The following ETV6 variants were observed in gnomAD, a reference collection of about 807,000 sequenced individuals.
ETV6 encodes the protein transcription factor ETV6.
Under a neutral mutation model 51.1 loss-of-function variants are expected in ETV6, and 16 were observed. The observed-to-expected ratio is 0.31, with a 90% CI of 0.21 to 0.48. The LOEUF (loss-of-function observed/expected upper bound fraction) is 0.48, where lower values mean the gene tolerates loss of function less well. Among genes scored for constraint, ETV6 ranks in the 20% least tolerant of loss-of-function variants. ETV6 has a pLI of 0.99. For missense variants in ETV6, 458 were observed against 594.8 expected, an observed-to-expected ratio of 0.77 and a Z score of 2.39; for synonymous variants, 240 against 224.1, an observed-to-expected ratio of 1.07 and a Z score of -0.64.
chr12:11,743,426 G>C (rs914682195), intron 1 of ETV6, among the ~76,000 whole-genome samples: 3 of 152,148 alleles, frequency 2.0e-5, no homozygotes, highest in Non-Finnish European at 4.4e-5. Context: ...TTTGACTGTG[G>C]TCCTGGTTGT....
At chr12:11,744,300 TA>T (rs767352572) in intron 1 of ETV6, among the ~76,000 whole-genome samples, 1 of 152,144 alleles carries the variant, frequency 6.6e-6, no homozygotes. Context: ...GGAATAGCAT[TA>T]ATGGAGGAGA....
At chr12:11,821,219 A>G (rs914072294) in intron 2 of ETV6, among the ~76,000 whole-genome samples, 1 of 151,790 alleles carries the variant, frequency 6.6e-6, no homozygotes, top group Non-Finnish European at 1.5e-5. Flanking sequence ...AAAAAAAATT[A>G]GCTGGGTGTG....
At chr12:11,746,792 T>C (rs200085669) in intron 1 of ETV6, among the ~76,000 whole-genome samples, 5 of 4,452 alleles carry the variant, frequency 1.1e-3, no homozygotes, top group African/African-American at 1.3e-3. Context: ...CTCTCTCTCT[T>C]TTTTTTTTTT....
rs368566648 is a variant in ETV6 at position 11,862,282 on chromosome 12, G to A, written c.464-7142G>A. Among the ~76,000 whole-genome samples the A allele has an allele frequency of 5.7e-4, 87 of 152,260 alleles. 1 individual carries two copies. In the South Asian group the frequency reaches 0.018, roughly 32 times the overall value. ...CCTCCAAGGGAGTTCGGTGACATTGGCACATTGTGGGGATGAATAGGCTGA... is the reference window on the plus strand; with the variant it reads ...CCTCCAAGGGAGTTCGGTGACATTGACACATTGTGGGGATGAATAGGCTGA... On this transcript the variant is annotated intron_variant, in intron 4 of 7. Coordinates refer to ENST00000396373, the MANE Select transcript of ETV6 (RefSeq NM_001987.5).
intron 1 of ETV6, among the ~76,000 whole-genome samples, chr12:11,720,646 C>T (rs1308148984): frequency 6.6e-6 from 1 of 152,112 alleles, no homozygotes. Context: ...ACAGGAAAAA[C>T]CCCTCTTGAC....
chr12:11,828,531 T>C (rs1946194525), intron 2 of ETV6, among the ~76,000 whole-genome samples: 1 of 152,218 alleles, frequency 6.6e-6, no homozygotes, highest in African/African-American at 2.4e-5. Context: ...CACAGGTACA[T>C]ATTGTCAGAA....
intron 2 of ETV6, among the ~76,000 whole-genome samples, chr12:11,761,290 A>G (rs1945083276): frequency 6.6e-6 from 1 of 152,234 alleles, no homozygotes; most frequent in South Asian, 2.1e-4. Flanking sequence ...TCAGAGCTAT[A>G]AACCAAATTA....
chr12:11,736,384 T>C (rs1335958309), intron 1 of ETV6, among the ~76,000 whole-genome samples: 1 of 152,210 alleles, frequency 6.6e-6, no homozygotes, highest in Non-Finnish European at 1.5e-5. Flanking sequence ...TGAACAACTT[T>C]GATCCTTGAG....
At chr12:11,711,876 T>C (rs1488008048) in intron 1 of ETV6, among the ~76,000 whole-genome samples, 1 of 152,180 alleles carries the variant, frequency 6.6e-6, no homozygotes, top group Non-Finnish European at 1.5e-5. Context: ...TTCCCAACCT[T>C]CCCCCCGTGG....
At chr12:11,730,524 G>A (rs1414400265) in intron 1 of ETV6, among the ~76,000 whole-genome samples, 1 of 152,220 alleles carries the variant, frequency 6.6e-6, no homozygotes, top group South Asian at 2.1e-4. Context: ...CTAAGGACGG[G>A]TTGTCCAGCG....
intron 7 of ETV6, among the ~76,000 whole-genome samples, chr12:11,889,912 G>A (rs547186409): frequency 7.2e-5 from 11 of 152,124 alleles, no homozygotes; most frequent in South Asian, 2.1e-4. Context: ...GGACTGGAAC[G>A]GGTGCTCCTA....
At chr12:11,772,815 A>G (rs1172238633) in intron 2 of ETV6, among the ~76,000 whole-genome samples, 1 of 152,182 alleles carries the variant, frequency 6.6e-6, no homozygotes, top group Admixed American at 6.5e-5. Flanking sequence ...TTTTAGAATC[A>G]TGATGTTGGA....
intron 1 of ETV6, among the ~76,000 whole-genome samples, chr12:11,748,886 T>G (rs1436978354): frequency 6.6e-6 from 1 of 151,800 alleles, no homozygotes; most frequent in Non-Finnish European, 1.5e-5. Context: ...CCATACTTCA[T>G]TATTTTTTTT....
At position 11,853,533 on chromosome 12, in the gene ETV6, G is replaced by A. The variant is rs1374850393; in HGVS notation, c.435G>A (p.Glu145=). 6.2e-7 allele frequency: 1 copy of A among 1,614,184 alleles called. No homozygotes were observed. Among genetic ancestry groups the A allele is most frequent in the Non-Finnish European group, 8.5e-7 (1 of 1,180,044 alleles). ...HPGNSIHTQP[E]VILHQNHEED... is the part of the protein sequence containing the mutation. The stretch of plus-strand genomic sequence containing the variant: ...GAAACTCTATACACACACAGCCGGA[G>A]GTCATACTGCATCAGAACCATGAAG... Residue 145 remains glutamate, a synonymous_variant, in exon 4 of 8, where the codon GAG becomes GAA. Transcript: ENST00000396373.
At chr12:11,780,507 A>G (rs1405959066) in intron 2 of ETV6, among the ~76,000 whole-genome samples, 1 of 152,216 alleles carries the variant, frequency 6.6e-6, no homozygotes, top group African/African-American at 2.4e-5. Context: ...TCATTGGCTG[A>G]TAAGGTAGCA....
intron 1 of ETV6, among the ~76,000 whole-genome samples, chr12:11,683,959 A>G (rs1484922558): frequency 6.6e-6 from 1 of 152,106 alleles, no homozygotes; most frequent in Non-Finnish European, 1.5e-5. Context: ...CATAAAGATG[A>G]AAGCCTGACT....
Position 11,891,667 on chromosome 12 carries a change from T to C in ETV6, c.*621T>C, listed in dbSNP as rs1947289742. ...AGCTCTCTTTTTCTCTCTCTTGCTC[T>C]GTTCTTCCCTTGGTCCCCTCTGTCC... On this transcript the variant is annotated 3_prime_UTR_variant, in exon 8 of 8. Transcript: ENST00000396373. 2.0e-6 allele frequency: 1 copy of C among 511,342 alleles called. No homozygotes were observed. The highest frequency in any genetic ancestry group is 3.7e-6 in the Non-Finnish European group (1 of 266,770). The allele number at this position is 511,342 out of a possible 1,614,324, so 31.7% of individuals were successfully genotyped here. A position where few individuals can be genotyped will look rare whatever the true frequency, so the allele number is the denominator to read the frequency against.
At chr12:11,693,759 G>T (rs1300636062) in intron 1 of ETV6, among the ~76,000 whole-genome samples, 1 of 152,172 alleles carries the variant, frequency 6.6e-6, no homozygotes, top group Non-Finnish European at 1.5e-5. Context: ...CCATCCATTT[G>T]CTTTCTAGTG....
rs117506608 is a variant in ETV6 at position 11,748,825 on chromosome 12, A to G, written c.34-3625A>G. On this transcript the variant is annotated intron_variant, in intron 1 of 7. Transcript: ENST00000396373. ...GGCTAGGGGAGAAATGGGAGAGGGA[A>G]CGCAGCTCATTTTGGCTTCAGTCCT... Among the ~76,000 whole-genome samples the G allele has an allele frequency of 4.6e-3, 698 of 152,306 alleles. 4 individuals are homozygous for G. The highest frequency in any genetic ancestry group is 0.014 in the Middle Eastern group (4 of 294).
Sources: allele counts gnomAD v4.1 joint callset (sites outside exome capture counted in the v4.1 genomes callset), GRCh38; gene constraint gnomAD v4.1.1; transcripts MANE v1.5; gene names NCBI Gene and HGNC (gene_info 2026-07-23, HGNC 2026-07-21).